The following ERO1A variants were observed in gnomAD, a reference collection of about 807,000 sequenced individuals.
ERO1A encodes the protein ERO1-like protein alpha.
A neutral mutation model predicts 76.9 loss-of-function variants in ERO1A; 49 were observed. The ratio of observed to expected loss-of-function variants is 0.64; its 90% CI spans 0.51 to 0.81. The LOEUF is 0.81. Ranked by LOEUF, ERO1A falls within the 30% of genes least tolerant of loss-of-function variation. ERO1A has a pLI of 0.00. For missense variants in ERO1A, 448 were observed against 542.1 expected (o/e 0.83, Z 1.72); for synonymous variants, 174 against 181.2 (o/e 0.96, Z 0.32).
intron 9 of ERO1A, among the ~76,000 whole-genome samples, chr14:52,660,417 G>A (rs985415963): frequency 2.0e-5 from 3 of 152,116 alleles, no homozygotes; most frequent in Non-Finnish European, 2.9e-5. Context: ...GGTAAAATAA[G>A]GTTACTTGAA....
intron 1 of ERO1A, among the ~76,000 whole-genome samples, chr14:52,693,365 T>G (rs1192705120): frequency 6.6e-6 from 1 of 152,224 alleles, no homozygotes; most frequent in African/African-American, 2.4e-5. Flanking sequence ...CCATGCTGGA[T>G]GCTTCCTGCC....
chr14:52,658,009 C>T lies in ERO1A; in HGVS notation c.716G>A (p.Gly239Asp). ...GAATGCTCTTTTTTCTACACAGAGACCTAAGAAAAAGCAGTGACTTAGAAA... is the reference window on the plus strand; with the variant it reads ...GAATGCTCTTTTTTCTACACAGAGATCTAAGAAAAAGCAGTGACTTAGAAA... ...EENTFYSWLE[G>D]LCVEKRAFYR... Residue 239 changes from glycine to aspartate, a missense_variant and splice_region_variant, in exon 11 of 16, where the codon GGT becomes GAT. Gly to Asp is a moderately conservative substitution (Grantham distance 94, BLOSUM62 -1). This residue lies in a region of ERO1A where 302 missense variants were observed against 411.9 expected (regional missense o/e 0.73). Coordinates refer to ENST00000395686, the MANE Select transcript of ERO1A (RefSeq NM_014584.3). 1 of 1,602,004 alleles carries T rather than the reference C, an allele frequency of 6.2e-7. No homozygotes were observed.
At position 52,653,008 on chromosome 14, in the gene ERO1A, T is replaced by A. The variant is rs571808311; in HGVS notation, c.1055+61A>T. The A allele has an allele frequency of 5.8e-5, 72 of 1,236,592 alleles. No individual in the cohort carries two copies. The East Asian group carries it at 1.1e-3, about 19-fold the overall frequency. 76.6% of individuals were successfully genotyped at this position (1,236,592 alleles called of 1,614,324 possible). On this transcript the variant is annotated intron_variant, in intron 12 of 15. Coordinates refer to ENST00000395686, the MANE Select transcript of ERO1A (RefSeq NM_014584.3). ...AGAGCCTGTCTCAAAAAAAAAAAAATTTATCTTGTACATTAATTGTCACTC... is the reference window on the plus strand; with the variant it reads ...AGAGCCTGTCTCAAAAAAAAAAAAAATTATCTTGTACATTAATTGTCACTC...
chr14:52,646,783 CA>C (rs1221675644), intron 13 of ERO1A: 7 of 210,096 alleles, frequency 3.3e-5, no homozygotes, highest in Non-Finnish European at 6.6e-5. Flanking sequence ...TGTCTGACTC[CA>C]AAGCTAAACT....
At chr14:52,684,374 G>A (rs1454812171) in intron 1 of ERO1A, among the ~76,000 whole-genome samples, 1 of 152,030 alleles carries the variant, frequency 6.6e-6, no homozygotes, top group Admixed American at 6.6e-5. Context: ...GCAAAGAGAG[G>A]AAAAGTTTTT....
intron 1 of ERO1A, among the ~76,000 whole-genome samples, chr14:52,693,097 T>C (rs1450765364): frequency 6.6e-6 from 1 of 151,738 alleles, no homozygotes; most frequent in Non-Finnish European, 1.5e-5. Flanking sequence ...AAACTGTTTT[T>C]TTAACTATAT....
At chr14:52,687,428 C>A (rs546049504) in intron 1 of ERO1A, among the ~76,000 whole-genome samples, 1 of 152,074 alleles carries the variant, frequency 6.6e-6, no homozygotes, top group South Asian at 2.1e-4. Context: ...GAGACCCTGT[C>A]TCAAAAAACA....
intron 15 of ERO1A, among the ~76,000 whole-genome samples, chr14:52,645,458 A>G (rs950241772): frequency 2.0e-5 from 3 of 151,852 alleles, no homozygotes; most frequent in African/African-American, 7.2e-5. Flanking sequence ...ATGCTCCACC[A>G]TGCCTGGCTA....
intron 13 of ERO1A, chr14:52,646,987 T>G (rs2039684491): frequency 7.4e-6 from 1 of 134,336 alleles, no homozygotes; most frequent in African/African-American, 2.8e-5. Context: ...TTTTTTTTTT[T>G]TTTTTTTTTT....
chr14:52,658,981 G>A (rs533150440), intron 9 of ERO1A, among the ~76,000 whole-genome samples: 5 of 152,026 alleles, frequency 3.3e-5, no homozygotes, highest in African/African-American at 7.2e-5. Flanking sequence ...AACCAAACAA[G>A]CATAAAAATA....
intron 3 of ERO1A, among the ~76,000 whole-genome samples, chr14:52,678,716 A>G (rs1566644897): frequency 1.3e-5 from 2 of 152,252 alleles, no homozygotes; most frequent in African/African-American, 4.8e-5. Flanking sequence ...ATAATCATTT[A>G]GCCATTATCC....
Position 52,653,134 on chromosome 14 carries a change from A to G in ERO1A, c.990T>C (p.Phe330=), listed in dbSNP as rs1271385093. ...CCTCATCCTGAATTTTATTTCCAGTAAAGAGTTGAAAATCTGGGCGCTCGA... is the reference window on the plus strand; with the variant it reads ...CCTCATCCTGAATTTTATTTCCAGTGAAGAGTTGAAAATCTGGGCGCTCGA... ...PFFERPDFQL[F]TGNKIQDEEN... Residue 330 remains phenylalanine (F), a synonymous_variant, in exon 12 of 16, where the codon TTT becomes TTC. Coordinates refer to ENST00000395686, the MANE Select transcript of ERO1A (RefSeq NM_014584.3). 2 of 1,609,032 alleles carry G rather than the reference A, an allele frequency of 1.2e-6. No individual in the cohort carries two copies. Among genetic ancestry groups the G allele is most frequent in the African/African-American group, 2.7e-5 (2 of 74,838 alleles).
At chr14:52,678,371 G>A (rs1185948935) in intron 4 of ERO1A, 63 bp downstream of exon 4, 20 of 1,373,914 alleles carry the variant, frequency 1.5e-5, no homozygotes, top group Non-Finnish European at 2.0e-5. Flanking sequence ...TAGGTACAAC[G>A]GAAATGGGTT....
At chr14:52,669,307 T>G (rs75886522) in intron 6 of ERO1A, among the ~76,000 whole-genome samples, 4,083 of 152,208 alleles carry the variant, frequency 0.027, 148 homozygotes, top group African/African-American at 0.08. Context: ...GGATGTTAAT[T>G]AAGGTTAAAA....
At chr14:52,695,316 G>T in intron 1 of ERO1A, 52 bp downstream of exon 1, 1 of 1,263,416 alleles carries the variant, frequency 7.9e-7, no homozygotes. Context: ...GCGGGACAGT[G>T]CACGCCGCGG....
chr14:52,671,196 G>GT (rs1203925088), intron 6 of ERO1A, among the ~76,000 whole-genome samples: 1 of 152,162 alleles, frequency 6.6e-6, no homozygotes, highest in Non-Finnish European at 1.5e-5. Context: ...TGGCTGAATA[G>GT]TATTCCATTG....
chr14:52,663,937 A>G, intron 7 of ERO1A, 90 bp from the exon 8 acceptor site: 1 of 703,020 alleles, frequency 1.4e-6, no homozygotes, highest in Non-Finnish European at 2.4e-6. Flanking sequence ...ACTGCTTAAT[A>G]TCCAAAATCA....
intron 3 of ERO1A, among the ~76,000 whole-genome samples, chr14:52,681,262 CAT>C (rs1566645698): frequency 6.6e-6 from 1 of 152,144 alleles, no homozygotes. Flanking sequence ...ATAAACAAAA[CAT>C]AGTATAGGCA....
intron 1 of ERO1A, among the ~76,000 whole-genome samples, chr14:52,687,732 T>C (rs1056285763): frequency 2.0e-5 from 3 of 152,194 alleles, no homozygotes; most frequent in Non-Finnish European, 4.4e-5. Flanking sequence ...GTTTTAAAGG[T>C]TAGTATCCTA....
Sources: gnomAD v4.1 joint callset for allele counts (sites outside exome capture counted in the v4.1 genomes callset) on GRCh38, gnomAD v4.1.1 for gene constraint, gnomAD v4.1.1 regional missense constraint, MANE v1.5 for transcripts, NCBI Gene and HGNC (gene_info 2026-07-23, HGNC 2026-07-21) for gene names.